The following AP3B2 variants were observed in gnomAD, a reference collection of about 807,000 sequenced individuals.
AP3B2 encodes AP-3 complex subunit beta-2.
Under a neutral mutation model 126.9 loss-of-function variants are expected in AP3B2, and 50 were observed. That is an observed-to-expected ratio of 0.39 (90% CI 0.31 to 0.50). The LOEUF (loss-of-function observed/expected upper bound fraction) is 0.50, where lower values mean the gene tolerates loss of function less well. Ranked by LOEUF, AP3B2 falls within the 20% of genes least tolerant of loss-of-function variation. AP3B2 has a pLI of 0.79. For missense variants in AP3B2, 1,177 were observed against 1,426.4 expected (o/e 0.83, Z 2.82); for synonymous variants, 541 against 565.0 (o/e 0.96, Z 0.60).
chr15:82,682,555 A>C (rs999600061), intron 4 of AP3B2, among the ~76,000 whole-genome samples: 4 of 152,208 alleles, frequency 2.6e-5, no homozygotes, highest in Middle Eastern at 3.4e-3. Flanking sequence ...AACGAGTCAC[A>C]TAAATTTTTT....
chr15:82,700,769 G>T (rs2048709274), intron 1 of AP3B2, among the ~76,000 whole-genome samples: 2 of 152,002 alleles, frequency 1.3e-5, no homozygotes, highest in Non-Finnish European at 2.9e-5. Flanking sequence ...TTGCCCTTAT[G>T]GCTTCACCAC....
At chr15:82,700,482 T>A (rs1226009923) in intron 1 of AP3B2, among the ~76,000 whole-genome samples, 2 of 146,410 alleles carry the variant, frequency 1.4e-5, no homozygotes, top group Non-Finnish European at 3.0e-5. Context: ...CACTGCAACC[T>A]CCGTCTCCTG....
Position 82,709,582 on chromosome 15 carries a change from G to C in AP3B2, c.113+12C>G. ...CCAACCCTCCCGCGAGCTTCCTGGC[G>C]GGCTCCCTCACCGCTTGTAGTCGGA... On this transcript the variant is annotated intron_variant, in intron 1 of 26. Transcript: ENST00000535359. 1 of 1,486,318 alleles carries C rather than the reference G, an allele frequency of 6.7e-7. No individual in the cohort carries two copies. The highest frequency in any genetic ancestry group is 9.0e-7 in the Non-Finnish European group (1 of 1,116,536). The allele number at this position is 1,486,318 out of a possible 1,614,324, so 92.1% of individuals were successfully genotyped here. A position where few individuals can be genotyped will look rare whatever the true frequency, so the allele number is the denominator to read the frequency against.
Position 82,659,890 on chromosome 15 carries a change from G to T in AP3B2, c.3110C>A (p.Thr1037Asn). The change falls in exon 26 of 27, where the codon ACT (threonine) becomes AAT (asparagine). Residue 1037 changes from threonine (T) to asparagine (N), a missense_variant. Around this residue, in one of 5 missense-constraint regions of AP3B2, gnomAD observed 587 missense variants for 571.3 expected, o/e 1.03. Coordinates refer to ENST00000535359, the MANE Select transcript of AP3B2 (RefSeq NM_001278512.2). The part of the protein sequence containing the change: ...DHIVVQKVTA[T>N]ANLGRVPCGT... ...ACAAGGAACACGACCCAGGTTGGCA[G>T]TGGCAGTCACTTTCTGCACCACAAT... 1.9e-6 allele frequency: 3 copies of T among 1,613,990 alleles called. No individual in the cohort carries two copies. Among genetic ancestry groups the T allele is most frequent in the South Asian group, 1.1e-5 (1 of 91,090 alleles).
chr15:82,676,368 A>C, intron 14 of AP3B2, 93 bp downstream of exon 14: 1 of 1,317,704 alleles, frequency 7.6e-7, no homozygotes, highest in African/African-American at 1.5e-5. Flanking sequence ...AATAGGAGCT[A>C]GAGTTCAGCC....
At chr15:82,672,098 T>A (rs2048168776) in intron 14 of AP3B2, among the ~76,000 whole-genome samples, 1 of 152,154 alleles carries the variant, frequency 6.6e-6, no homozygotes, top group Non-Finnish European at 1.5e-5. Context: ...GCAATCCCAA[T>A]GCTATGTATA....
chr15:82,700,230 C>A (rs1404116374), intron 1 of AP3B2, among the ~76,000 whole-genome samples: 1 of 151,784 alleles, frequency 6.6e-6, no homozygotes, highest in Admixed American at 6.6e-5. Flanking sequence ...ACCTGCCTTT[C>A]CAGAGCCAAT....
At chr15:82,709,465 G>A (rs935471447) in intron 1 of AP3B2, 129 bp downstream of exon 1, 1 of 456,672 alleles carries the variant, frequency 2.2e-6, no homozygotes. Flanking sequence ...GGAGGGGGCC[G>A]GGCGGGCTTC....
intron 12 of AP3B2, 70 bp downstream of exon 12, chr15:82,677,601 G>T: frequency 1.4e-6 from 2 of 1,478,252 alleles, no homozygotes; most frequent in South Asian, 1.4e-5. Flanking sequence ...ATATCCAGTG[G>T]CCAGCAGAGT....
At chr15:82,703,960 C>A (rs1019582625) in intron 1 of AP3B2, among the ~76,000 whole-genome samples, 2 of 152,106 alleles carry the variant, frequency 1.3e-5, no homozygotes, top group Non-Finnish European at 2.9e-5. Context: ...CCCTATAATC[C>A]TTCTATCACC....
chr15:82,666,004 C>A (rs774686038), intron 15 of AP3B2, among the ~76,000 whole-genome samples: 1 of 152,094 alleles, frequency 6.6e-6, no homozygotes, highest in African/African-American at 2.4e-5. Context: ...AGGATGGTGT[C>A]GGGGAGAAAG....
At chr15:82,709,186 G>A (rs1032749229) in intron 1 of AP3B2, among the ~76,000 whole-genome samples, 4 of 152,050 alleles carry the variant, frequency 2.6e-5, no homozygotes, top group Non-Finnish European at 5.9e-5. Context: ...CCGCCTTCCT[G>A]AAGAGGCCCC....
At chr15:82,688,566 ACT>A (rs1431195365) in intron 4 of AP3B2, 168 bp downstream of exon 4, 3 of 719,958 alleles carry the variant, frequency 4.2e-6, no homozygotes, top group Non-Finnish European at 7.5e-6. Context: ...CCCAGCTTCC[ACT>A]CTCTGAGGGT....
At position 82,681,155 on chromosome 15, in the gene AP3B2, T is replaced by C. The variant is rs766262314; in HGVS notation, c.545A>G (p.Gln182Arg). The C allele has an allele frequency of 6.2e-7, 1 of 1,612,786 alleles. No individual in the cohort carries two copies. The highest frequency in any genetic ancestry group is 8.5e-7 in the Non-Finnish European group (1 of 1,179,404). Reference protein sequence around the residue: ...LYSLDSDQKDQLIEVIEKLLA... With the variant: ...LYSLDSDQKDRLIEVIEKLLA... ...AAGCTTCTCAATGACTTCTATCAGC[T>C]GATCCTTCTGGTCAGAGTCCAAACT... The change falls in exon 6 of 27, where the codon CAG becomes CGG. Residue 182 changes from glutamine to arginine, a missense_variant. Physicochemically the swap from Gln to Arg is conservative, Grantham distance 43 (BLOSUM62 1). Coordinates refer to ENST00000535359, the MANE Select transcript of AP3B2 (RefSeq NM_001278512.2). The surrounding 1 kb of genome is among the most constrained non-coding windows in gnomAD (Gnocchi z 4.0).
At position 82,664,694 on chromosome 15, in the gene AP3B2, A is replaced by G. The variant is rs2303989; in HGVS notation, c.2137+141T>C. 6 of 901,282 alleles carry G rather than the reference A, an allele frequency of 6.7e-6. No homozygotes were observed. In the East Asian group the frequency reaches 1.1e-4, roughly 16 times the overall value. The allele number at this position is 901,282 out of a possible 1,614,324, so 55.8% of individuals were successfully genotyped here. Reference sequence around the variant, plus strand: ...CTGCACAAGCACACACACCTGGAACATGAATCCCTCAGGTGCACAAACAAT... The same window carrying G: ...CTGCACAAGCACACACACCTGGAACGTGAATCCCTCAGGTGCACAAACAAT... On this transcript the variant is annotated intron_variant, in intron 18 of 26. Transcript: ENST00000535359. This position sits in a 1 kb window ranked among gnomAD's most constrained non-coding sequence, Gnocchi z 4.5.
intron 14 of AP3B2, among the ~76,000 whole-genome samples, chr15:82,672,600 TAA>T (rs1341669013): frequency 2.6e-5 from 4 of 152,160 alleles, no homozygotes; most frequent in Admixed American, 2.0e-4. Context: ...TATAAATAAC[TAA>T]GAGAGTGTAA....
At chr15:82,672,571 CAAT>C (rs2151435627) in intron 14 of AP3B2, among the ~76,000 whole-genome samples, 1 of 151,586 alleles carries the variant, frequency 6.6e-6, no homozygotes, top group South Asian at 2.1e-4. Flanking sequence ...CTACAGTCAA[CAAT>C]AATTTATTAT....
chr15:82,663,483 C>G (rs2151428280), intron 21 of AP3B2, 77 bp downstream of exon 21: 1 of 1,506,690 alleles, frequency 6.6e-7, no homozygotes, highest in East Asian at 2.3e-5. Flanking sequence ...GGAACCCGAT[C>G]CAGAGTCCCT....
chr15:82,692,026 T>C, intron 1 of AP3B2: 2 of 1,471,208 alleles, frequency 1.4e-6, no homozygotes, highest in Non-Finnish European at 1.9e-6. Context: ...GCCAGCTGCC[T>C]GAGGAAGTCC....
Sources: allele counts gnomAD v4.1 joint callset (sites outside exome capture counted in the v4.1 genomes callset), GRCh38; gene constraint gnomAD v4.1.1; regional missense constraint gnomAD v4.1.1; non-coding constraint Gnocchi (gnomAD v3.1); transcripts MANE v1.5; gene names NCBI Gene and HGNC (gene_info 2026-07-23, HGNC 2026-07-21).